DAB1: variants seen among roughly 807,000 people sequenced by gnomAD.
The protein encoded by DAB1 is disabled homolog 1.
DAB1 carries 15 observed loss-of-function variants against 64.6 expected under a neutral mutation model. The ratio of observed to expected loss-of-function variants is 0.23; its 90% CI spans 0.16 to 0.36. The LOEUF is 0.36. Among genes scored for constraint, DAB1 ranks in the 10% least tolerant of loss-of-function variants. The probability of loss-of-function intolerance (pLI) is 1.00; values close to 1 mark genes in which losing one functional copy is unlikely to be tolerated. For synonymous variants in DAB1, 235 were observed against 251.9 expected (o/e 0.93, Z 0.64); for missense variants, 596 against 706.7 (o/e 0.84, Z 1.78).
At chr1:57,737,522 T>C (rs1016942982) in intron 6 of DAB1, among the ~76,000 whole-genome samples, 1 of 152,278 alleles carries the variant, frequency 6.6e-6, no homozygotes, top group East Asian at 1.9e-4. Flanking sequence ...TTAAATGAGT[T>C]AAAATTCATA....
chr1:58,134,750 T>C (rs901469677), intron 5 of DAB1, among the ~76,000 whole-genome samples: 1 of 152,016 alleles, frequency 6.6e-6, no homozygotes, highest in Admixed American at 6.5e-5. Flanking sequence ...GCTAAACCAT[T>C]AGAAACCACC....
At chr1:58,417,431 C>G (rs1361621353) in intron 3 of DAB1, among the ~76,000 whole-genome samples, 1 of 152,186 alleles carries the variant, frequency 6.6e-6, no homozygotes, top group Non-Finnish European at 1.5e-5. Context: ...GGAAGAGAAT[C>G]TGGTTGCCTA....
intron 11 of DAB1, among the ~76,000 whole-genome samples, chr1:57,020,187 G>A (rs965848591): frequency 1.3e-5 from 2 of 152,152 alleles, no homozygotes; most frequent in Admixed American, 6.5e-5. Context: ...GGGTGAGTGT[G>A]ATTGCTATCT....
chr1:57,349,093 G>A (rs1031272186), intron 1 of DAB1, among the ~76,000 whole-genome samples: 1 of 152,156 alleles, frequency 6.6e-6, no homozygotes, highest in African/African-American at 2.4e-5. Flanking sequence ...TAAGTCCCAG[G>A]CAAGTAATCC....
chr1:58,410,600 G>A (rs1046767674), intron 3 of DAB1, among the ~76,000 whole-genome samples: 4 of 152,204 alleles, frequency 2.6e-5, no homozygotes, highest in Non-Finnish European at 5.9e-5. Flanking sequence ...TTTTCCAGAT[G>A]AGAAAACTAA....
At chr1:57,725,813 G>A (rs1017574247) in intron 6 of DAB1, among the ~76,000 whole-genome samples, 31 of 151,672 alleles carry the variant, frequency 2.0e-4, no homozygotes, top group South Asian at 4.2e-4. Context: ...GTGCGGTGGC[G>A]CGATCTCAGC....
intron 1 of DAB1, among the ~76,000 whole-genome samples, chr1:57,326,026 C>A (rs1676120178): frequency 3.2e-5 from 3 of 94,164 alleles, no homozygotes; most frequent in Admixed American, 2.2e-4. Context: ...ATCCAACAAG[C>A]ATTTACTAGG....
At chr1:58,476,354 G>A (rs1299966146) in intron 3 of DAB1, among the ~76,000 whole-genome samples, 3 of 152,116 alleles carry the variant, frequency 2.0e-5, no homozygotes, top group Non-Finnish European at 4.4e-5. Context: ...TGTGACTTAT[G>A]CCCCATGCTC....
chr1:57,032,369 C>T (rs1337317192), intron 9 of DAB1, among the ~76,000 whole-genome samples: 2 of 151,886 alleles, frequency 1.3e-5, no homozygotes, highest in African/African-American at 4.8e-5. Flanking sequence ...AAACACAGAC[C>T]CAGAGACACA....
intron 5 of DAB1, among the ~76,000 whole-genome samples, chr1:58,096,058 T>C (rs1570347040): frequency 6.6e-6 from 1 of 152,334 alleles, no homozygotes; most frequent in Non-Finnish European, 1.5e-5. Context: ...AACCCTTCTC[T>C]CGTTAGAAAA....
Position 57,055,059 on chromosome 1 carries a change from C to T in DAB1, c.723+7825G>A, listed in dbSNP as rs570704588. 3.3e-5 allele frequency among the ~76,000 whole-genome samples: 5 copies of T among 152,326 alleles called. No individual in the cohort carries two copies. In the South Asian group the frequency reaches 1.0e-3, roughly 32 times the overall value. On this transcript the variant is annotated intron_variant, in intron 9 of 14. Transcript: ENST00000371236. The stretch of plus-strand genomic sequence containing the variant: ...CAATTAATTCCCTCCTTTCTGAAAC[C>T]TCCGTGTCTCTCCAGCCAGTTAGCA...
At chr1:58,252,003 G>C (rs1335121233) in intron 4 of DAB1, among the ~76,000 whole-genome samples, 1 of 152,024 alleles carries the variant, frequency 6.6e-6, no homozygotes, top group Admixed American at 6.6e-5. Context: ...TGGGGGTCTG[G>C]GTATGAGTTT....
At chr1:58,297,669 T>A (rs1464713128) in intron 4 of DAB1, among the ~76,000 whole-genome samples, 2 of 152,098 alleles carry the variant, frequency 1.3e-5, no homozygotes, top group Non-Finnish European at 2.9e-5. Context: ...AAAATAGAAA[T>A]CCTAGTAGAG....
At chr1:57,139,497 A>G (rs1658403063) in intron 3 of DAB1, among the ~76,000 whole-genome samples, 1 of 152,184 alleles carries the variant, frequency 6.6e-6, no homozygotes, top group African/African-American at 2.4e-5. Flanking sequence ...CAAACGGACT[A>G]AGAAGTGACC....
chr1:58,385,851 G>A (rs1644428172), intron 3 of DAB1, among the ~76,000 whole-genome samples: 1 of 152,142 alleles, frequency 6.6e-6, no homozygotes, highest in African/African-American at 2.4e-5. Context: ...AAAGCTGCTT[G>A]GTGAACACTG....
intron 6 of DAB1, among the ~76,000 whole-genome samples, chr1:57,816,774 C>T (rs545690614): frequency 6.6e-6 from 1 of 152,276 alleles, no homozygotes; most frequent in East Asian, 1.9e-4. Context: ...CTACGTCTGG[C>T]CTACCACTCT....
chr1:57,337,473 C>A (rs1360811024), intron 1 of DAB1, among the ~76,000 whole-genome samples: 1 of 152,190 alleles, frequency 6.6e-6, no homozygotes, highest in African/African-American at 2.4e-5. Context: ...AGCCTTTGCT[C>A]AAATGCCACT....
intron 5 of DAB1, among the ~76,000 whole-genome samples, chr1:58,053,594 A>T (rs768141711): frequency 3.3e-5 from 5 of 152,108 alleles, no homozygotes; most frequent in Non-Finnish European, 4.4e-5. Context: ...AAATTTCAAC[A>T]TGAAGTTTGG....
At chr1:57,346,073 T>G (rs1678061372) in intron 1 of DAB1, among the ~76,000 whole-genome samples, 1 of 151,814 alleles carries the variant, frequency 6.6e-6, no homozygotes, top group African/African-American at 2.4e-5. Context: ...ACGGAAGAGG[T>G]TAGTGAGGTT....
Sources: gnomAD v4.1 joint callset for allele counts (sites outside exome capture counted in the v4.1 genomes callset) on GRCh38, gnomAD v4.1.1 for gene constraint, MANE v1.5 for transcripts, NCBI Gene and HGNC (gene_info 2026-07-23, HGNC 2026-07-21) for gene names.